DTX1: variants seen among roughly 807,000 people sequenced by gnomAD.
DTX1 encodes the protein deltex E3 ubiquitin ligase 1.
A neutral mutation model predicts 57.8 loss-of-function variants in DTX1; 26 were observed. The observed-to-expected ratio is 0.45, with a 90% confidence interval of 0.33 to 0.62. The LOEUF (loss-of-function observed/expected upper bound fraction) is 0.62, where lower values mean the gene tolerates loss of function less well. DTX1 is among the 20% of genes least tolerant of loss of function. DTX1 has a pLI of 0.02. For missense variants in DTX1, 704 were observed against 895.3 expected (o/e 0.79, Z 2.73); for synonymous variants, 398 against 394.1 (o/e 1.01, Z -0.12).
intron 2 of DTX1, among the ~76,000 whole-genome samples, chr12:113,075,520 A>G (rs2044765310): frequency 6.6e-6 from 1 of 152,234 alleles, no homozygotes; most frequent in African/African-American, 2.4e-5. Context: ...GCCCCAAGAC[A>G]CAGAGCAGGC....
At chr12:113,096,078 G>A (rs1361510728) in intron 9 of DTX1, among the ~76,000 whole-genome samples, 2 of 152,032 alleles carry the variant, frequency 1.3e-5, no homozygotes, top group East Asian at 3.9e-4. Flanking sequence ...GGTGGAGTGC[G>A]CCTGTAGTCC....
intron 2 of DTX1, among the ~76,000 whole-genome samples, chr12:113,076,030 C>T (rs1429979209): frequency 1.4e-5 from 2 of 140,468 alleles, no homozygotes; most frequent in East Asian, 2.1e-4. Flanking sequence ...GAAAATGGAG[C>T]GGGGAAGGAG....
chr12:113,095,917 A>T (rs1234596928), intron 9 of DTX1, among the ~76,000 whole-genome samples: 1 of 152,214 alleles, frequency 6.6e-6, no homozygotes. Flanking sequence ...CCCAGAAAAA[A>T]ACAGGCAGGG....
chr12:113,066,107 G>T (rs1282291115), intron 2 of DTX1, among the ~76,000 whole-genome samples: 1 of 152,182 alleles, frequency 6.6e-6, no homozygotes, highest in Non-Finnish European at 1.5e-5. Context: ...ACCCCCAGCA[G>T]CCCCTAGCTG....
intron 2 of DTX1, among the ~76,000 whole-genome samples, chr12:113,061,490 G>A (rs533420215): frequency 9.8e-5 from 15 of 152,320 alleles, no homozygotes; most frequent in African/African-American, 3.6e-4. Context: ...GCAGACCTGA[G>A]TGCCAACGGT....
rs192011491 is a variant in DTX1 at position 113,057,980 on chromosome 12, G to A, written c.-213G>A. The A allele has an allele frequency of 5.7e-6, 4 of 700,760 alleles. No homozygotes were observed. The highest frequency in any genetic ancestry group is 6.9e-6 in the Non-Finnish European group (3 of 434,136). The allele number at this position is 700,760 out of a possible 1,614,324, so 43.4% of individuals were successfully genotyped here. ...AGGGCAGCACCCTTTATCGGAGAAG[G>A]CTCTACAGGGAAGGGGTCTTTGCAG... On this transcript the variant is annotated 5_prime_UTR_variant, in exon 2 of 10. Coordinates refer to ENST00000548759, the MANE Select transcript of DTX1 (RefSeq NM_004416.3).
intron 3 of DTX1, among the ~76,000 whole-genome samples, chr12:113,079,231 G>A (rs1397141498): frequency 2.6e-5 from 4 of 152,122 alleles, no homozygotes; most frequent in African/African-American, 4.8e-5. Flanking sequence ...AAGACCAGGG[G>A]GGTTTGGACT....
Position 113,093,372 on chromosome 12 carries a change from C to T in DTX1, c.1003+149C>T. 2.3e-6 allele frequency: 3 copies of T among 1,327,504 alleles called. No homozygotes were observed. Among genetic ancestry groups the T allele is most frequent in the Non-Finnish European group, 3.0e-6 (3 of 993,444 alleles). The allele number at this position is 1,327,504 out of a possible 1,614,324, so 82.2% of individuals were successfully genotyped here. ...CACTGGGCCCAGGACACAGGGCGGGCGTGGCCCGCAGAAAGGCCCTTCAGG... is the reference window on the plus strand; with the variant it reads ...CACTGGGCCCAGGACACAGGGCGGGTGTGGCCCGCAGAAAGGCCCTTCAGG... On this transcript the variant is annotated intron_variant, in intron 4 of 9. Transcript: ENST00000548759. The surrounding 1 kb of genome is among the most constrained non-coding windows in gnomAD (Gnocchi z 4.2).
chr12:113,058,364 G>C lies in DTX1; in HGVS notation c.172G>C (p.Gly58Arg). Residue 58 changes from glycine (G) to arginine (R), a missense_variant, in exon 2 of 10, where the codon GGT becomes CGT. By Grantham distance (125) the Gly-to-Arg change is moderately radical (BLOSUM62 -2). Around this residue, in one of 3 missense-constraint regions of DTX1, gnomAD observed 237 missense variants for 328.6 expected, o/e 0.72. Coordinates refer to ENST00000548759, the MANE Select transcript of DTX1 (RefSeq NM_004416.3). ...GAACGTGCTGAAGGAGGACGCTCGC[G>C]GTTCCGTGGTCCTGGGGCAGGTGGA... ...IENVLKEDAR[G>R]SVVLGQVDAQ... The C allele has an allele frequency of 6.2e-7, 1 of 1,612,060 alleles. No individual in the cohort carries two copies. Among genetic ancestry groups the C allele is most frequent in the Non-Finnish European group, 8.5e-7 (1 of 1,180,004 alleles).
chr12:113,080,767 G>A (rs1442261279), intron 3 of DTX1, among the ~76,000 whole-genome samples: 2 of 152,116 alleles, frequency 1.3e-5, no homozygotes, highest in East Asian at 1.9e-4. Flanking sequence ...CTTGAGTCCA[G>A]GAGTTCAAGA....
At chr12:113,075,028 G>A (rs1311221428) in intron 2 of DTX1, among the ~76,000 whole-genome samples, 1 of 152,182 alleles carries the variant, frequency 6.6e-6, no homozygotes, top group Non-Finnish European at 1.5e-5. Flanking sequence ...GCTCCCAGGG[G>A]AGAAGACGGG....
chr12:113,095,204 G>A lies in DTX1; in HGVS notation c.1548+1G>A. 6.2e-7 allele frequency: 1 copy of A among 1,604,356 alleles called. No individual in the cohort carries two copies. The highest frequency in any genetic ancestry group is 8.5e-7 in the Non-Finnish European group (1 of 1,172,220). On this transcript the variant is annotated splice_donor_variant, in intron 8 of 9. Transcript: ENST00000548759. LOFTEE classifies it high-confidence loss of function. ...CTATGACATCCCCACAGGCATCCAGGTGGGCTCCCCTTCCGCCTCTCTGGC... is the reference window on the plus strand; with the variant it reads ...CTATGACATCCCCACAGGCATCCAGATGGGCTCCCCTTCCGCCTCTCTGGC...
chr12:113,094,582 T>TAAATAAATA (rs770821504), intron 6 of DTX1, among the ~76,000 whole-genome samples: 1 of 151,950 alleles, frequency 6.6e-6, no homozygotes, highest in African/African-American at 2.4e-5. Flanking sequence ...TTAATAAAAA[T>TAAATAAATA]AAATAAATAA....
intron 3 of DTX1, among the ~76,000 whole-genome samples, chr12:113,080,740 C>A (rs927702555): frequency 6.6e-6 from 1 of 152,036 alleles, no homozygotes; most frequent in East Asian, 1.9e-4. Flanking sequence ...CTTTGGGAGA[C>A]CAAGGTGGGT....
intron 8 of DTX1, 22 bp downstream of exon 8, chr12:113,095,225 C>G: frequency 6.2e-7 from 1 of 1,604,874 alleles, no homozygotes; most frequent in South Asian, 1.1e-5. Context: ...TTCCGCCTCT[C>G]TGGCCCCCAG....
chr12:113,094,160 C>A, intron 6 of DTX1, 61 bp downstream of exon 6: 1 of 1,474,882 alleles, frequency 6.8e-7, no homozygotes, highest in Non-Finnish European at 9.2e-7. Context: ...GGAACCCTCA[C>A]CCCTCCTCCT....
At chr12:113,086,917 C>T (rs922055504) in intron 3 of DTX1, among the ~76,000 whole-genome samples, 5 of 151,050 alleles carry the variant, frequency 3.3e-5, no homozygotes, top group African/African-American at 9.8e-5. Flanking sequence ...ACACTCCCCC[C>T]ACCCTGCCCC....
chr12:113,065,568 C>G (rs1270508829), intron 2 of DTX1, among the ~76,000 whole-genome samples: 1 of 152,240 alleles, frequency 6.6e-6, no homozygotes, highest in Non-Finnish European at 1.5e-5. Flanking sequence ...CCTCCCATCC[C>G]CCGCCTCATT....
At chr12:113,086,646 C>G (rs1170958792) in intron 3 of DTX1, among the ~76,000 whole-genome samples, 1 of 151,920 alleles carries the variant, frequency 6.6e-6, no homozygotes, top group Non-Finnish European at 1.5e-5. Flanking sequence ...GTTTTCCTTC[C>G]TTTTTTTTCC....
Sources: gnomAD v4.1 joint callset for allele counts (sites outside exome capture counted in the v4.1 genomes callset) on GRCh38, gnomAD v4.1.1 for gene constraint, gnomAD v4.1.1 regional missense constraint, Gnocchi (gnomAD v3.1) non-coding constraint, MANE v1.5 for transcripts, NCBI Gene and HGNC (gene_info 2026-07-23, HGNC 2026-07-21) for gene names.